INTS9: variants seen among roughly 807,000 people sequenced by gnomAD.
The protein encoded by INTS9 is protein related to CPSF subunits of 74 kDa.
INTS9 carries 55 observed loss-of-function variants against 79.7 expected under a neutral mutation model. The observed-to-expected ratio is 0.69, with a 90% CI of 0.56 to 0.86. INTS9 has a LOEUF of 0.86. Among genes scored for constraint, INTS9 ranks in the 40% least tolerant of loss-of-function variants. INTS9 has a pLI of 0.00. For synonymous variants in INTS9, 319 were observed against 325.2 expected, an observed-to-expected ratio of 0.98 and a Z score of 0.20; for missense variants, 721 against 831.5, an observed-to-expected ratio of 0.87 and a Z score of 1.64.
At position 28,770,986 on chromosome 8, in the gene INTS9, A is replaced by G. The variant is rs1045378093; in HGVS notation, c.1658T>C (p.Leu553Pro). 12 of 1,612,722 alleles carry G rather than the reference A, an allele frequency of 7.4e-6. No homozygotes were observed. The highest frequency in any genetic ancestry group is 1.7e-5 in the Admixed American group (1 of 59,958). ...VLHTKDNKHL[L>P]QPPPRPAQPT... Reference sequence around the variant, plus strand: ...CTCCCACCCAGCACCCCCTACCTGAAGCAAGTGCTTGTTATCTTTGGTGTG... The same window carrying G: ...CTCCCACCCAGCACCCCCTACCTGAGGCAAGTGCTTGTTATCTTTGGTGTG... The change falls in exon 15 of 17, where the codon CTT becomes CCT. Residue 553 changes from leucine to proline, a missense_variant. By Grantham distance (98) the Leu-to-Pro change is moderately conservative. Transcript: ENST00000521022.
chr8:28,799,807 C>T (rs1420558403), intron 8 of INTS9, among the ~76,000 whole-genome samples: 2 of 152,286 alleles, frequency 1.3e-5, no homozygotes, highest in East Asian at 3.9e-4. Flanking sequence ...AGCCGGGGAC[C>T]CCTAGCCAGC....
intron 10 of INTS9, among the ~76,000 whole-genome samples, chr8:28,792,613 A>G (rs987777015): frequency 2.0e-5 from 3 of 152,128 alleles, no homozygotes; most frequent in African/African-American, 7.2e-5. Context: ...GTTAATAATA[A>G]TGTACTAATG....
chr8:28,844,317 G>A (rs1187496649), intron 4 of INTS9, among the ~76,000 whole-genome samples: 1 of 152,178 alleles, frequency 6.6e-6, no homozygotes, highest in Non-Finnish European at 1.5e-5. Context: ...GGCTGACGCA[G>A]ATCGCTTGAG....
At chr8:28,850,340 AC>A in intron 2 of INTS9, 67 bp from the exon 3 acceptor site, 1 of 1,262,892 alleles carries the variant, frequency 7.9e-7, no homozygotes, top group South Asian at 1.2e-5. Flanking sequence ...CTTCATGGTA[AC>A]TTACTGTCTC....
At chr8:28,889,171 T>G (rs932926694) in intron 1 of INTS9, among the ~76,000 whole-genome samples, 1 of 152,208 alleles carries the variant, frequency 6.6e-6, no homozygotes, top group East Asian at 1.9e-4. Flanking sequence ...ATGAGTCAAA[T>G]GGCTCAAATC....
intron 10 of INTS9, 93 bp downstream of exon 10, chr8:28,793,714 A>G: frequency 1.7e-6 from 2 of 1,158,346 alleles, no homozygotes; most frequent in Non-Finnish European, 2.4e-6. Context: ...TTCCACAGTA[A>G]TGTGAGAAAA....
chr8:28,825,282 A>C (rs907027073), intron 6 of INTS9, among the ~76,000 whole-genome samples: 2 of 152,286 alleles, frequency 1.3e-5, no homozygotes, highest in Middle Eastern at 3.4e-3. Context: ...GTGGCTAGAG[A>C]GCAGGGACCG....
chr8:28,823,778 GTTGCACAAGA>G (rs1805989734), intron 6 of INTS9, among the ~76,000 whole-genome samples: 1 of 152,006 alleles, frequency 6.6e-6, no homozygotes. Flanking sequence ...AAAACAAAAA[GTTGCACAAGA>G]TAGAAAAAAT....
chr8:28,803,933 ATTTAT>A (rs1291635298), intron 8 of INTS9, among the ~76,000 whole-genome samples: 4 of 151,974 alleles, frequency 2.6e-5, no homozygotes, highest in Non-Finnish European at 5.9e-5. Flanking sequence ...ATTTTTATTT[ATTTAT>A]TTTGAGACAG....
intron 10 of INTS9, among the ~76,000 whole-genome samples, chr8:28,791,492 T>G (rs1426833392): frequency 6.6e-6 from 1 of 152,182 alleles, no homozygotes; most frequent in Non-Finnish European, 1.5e-5. Context: ...AACTCATCCT[T>G]AAATAGTGTT....
At chr8:28,861,593 A>T (rs1808463205) in intron 1 of INTS9, among the ~76,000 whole-genome samples, 1 of 152,260 alleles carries the variant, frequency 6.6e-6, no homozygotes, top group South Asian at 2.1e-4. Flanking sequence ...ACATTTTTAT[A>T]ATCAGAAAAA....
At chr8:28,776,070 A>G (rs1802859912) in intron 13 of INTS9, 144 bp from the exon 14 acceptor site, 1 of 612,040 alleles carries the variant, frequency 1.6e-6, no homozygotes, top group African/African-American at 1.9e-5. Flanking sequence ...TCTCAAGCCC[A>G]ATGAACCGTA....
intron 1 of INTS9, among the ~76,000 whole-genome samples, chr8:28,871,647 C>A (rs968901572): frequency 9.2e-5 from 14 of 152,098 alleles, no homozygotes; most frequent in Admixed American, 8.5e-4. Flanking sequence ...CTCAAGCAAT[C>A]CGCTCACCTC....
At chr8:28,835,033 T>C in intron 6 of INTS9, among the ~76,000 whole-genome samples, 1 of 152,212 alleles carries the variant, frequency 6.6e-6, no homozygotes, top group East Asian at 1.9e-4. Context: ...TGTTGAGTTA[T>C]CTGATTTTCC....
chr8:28,769,931 G>A lies in INTS9; in HGVS notation c.1758C>T (p.Ser586=), dbSNP rs759673333. The change falls in exon 16 of 17, where the codon AGC becomes AGT. Residue 586 remains serine (S), a synonymous_variant. Transcript: ENST00000521022. The part of the protein sequence containing the change: ...PDCKVLKPLL[S]GSIPVEQFVQ... ...CGAACTGCTCCACAGGGATGGAACC[G>A]CTCAACAAAGGCTTCAGGACTTTGC... 17 of 1,614,180 alleles carry A rather than the reference G, an allele frequency of 1.1e-5. No homozygotes were observed. Among genetic ancestry groups the A allele is most frequent in the Admixed American group, 1.0e-4 (6 of 60,024 alleles).
chr8:28,889,399 G>A (rs1307953328), intron 1 of INTS9, among the ~76,000 whole-genome samples: 1 of 152,202 alleles, frequency 6.6e-6, no homozygotes, highest in Non-Finnish European at 1.5e-5. Flanking sequence ...AGGGCAGTGA[G>A]GAGTCTATAT....
At chr8:28,769,818 AG>A in intron 16 of INTS9, 70 bp downstream of exon 16, 15 of 1,577,072 alleles carry the variant, frequency 9.5e-6, no homozygotes, top group South Asian at 1.2e-5. Flanking sequence ...CCCTGCAGCC[AG>A]GGGGCCATAG....
At chr8:28,857,703 G>A (rs948222255) in intron 2 of INTS9, among the ~76,000 whole-genome samples, 1 of 152,162 alleles carries the variant, frequency 6.6e-6, no homozygotes, top group Admixed American at 6.5e-5. Flanking sequence ...TACTTACTGA[G>A]TAGCTACCAC....
intron 12 of INTS9, chr8:28,780,519 G>T: frequency 2.0e-6 from 2 of 985,314 alleles, no homozygotes; most frequent in Non-Finnish European, 2.4e-6. Context: ...AAACAACACC[G>T]TTACTGAATC....
Sources: allele counts gnomAD v4.1 joint callset (sites outside exome capture counted in the v4.1 genomes callset), GRCh38; gene constraint gnomAD v4.1.1; transcripts MANE v1.5; gene names NCBI Gene and HGNC (gene_info 2026-07-23, HGNC 2026-07-21).